Variants in TOM1L1 observed in about 807,000 individuals in gnomAD.
TOM1L1 encodes the protein target of myb1 like 1 membrane trafficking protein.
TOM1L1 carries 64 observed loss-of-function variants against 63.4 expected under a neutral mutation model. That is an observed-to-expected ratio of 1.01 (90% CI 0.83 to 1.24). TOM1L1 has a LOEUF of 1.24. Among genes scored for constraint, TOM1L1 ranks in the 50% most tolerant of loss-of-function variants. TOM1L1 has a pLI of 0.00. For missense variants in TOM1L1, 536 were observed against 567.0 expected (o/e 0.95, Z 0.55); for synonymous variants, 166 against 194.4 (o/e 0.85, Z 1.22).
At chr17:54,945,650 T>A (rs1355482250) in intron 11 of TOM1L1, among the ~76,000 whole-genome samples, 1 of 151,584 alleles carries the variant, frequency 6.6e-6, no homozygotes, top group African/African-American at 2.4e-5. Context: ...ATTTCCATTT[T>A]GCTATTGAGC....
chr17:54,951,093 C>G (rs1567842366), intron 14 of TOM1L1, among the ~76,000 whole-genome samples: 1 of 152,208 alleles, frequency 6.6e-6, no homozygotes, highest in Non-Finnish European at 1.5e-5. Flanking sequence ...GCCTGGGCCT[C>G]TAAACTTAGG....
Position 54,906,476 on chromosome 17 carries a change from CA to C in TOM1L1, c.222+926del, listed in dbSNP as rs57524831. Among the ~76,000 whole-genome samples the C allele has an allele frequency of 4.2e-3, 390 of 93,848 alleles. 1 individual carries two copies. Among genetic ancestry groups the C allele is most frequent in the East Asian group, 0.026 (100 of 3,900 alleles). The allele number at this position is 93,848 out of a possible 152,430, so 61.6% of individuals were successfully genotyped here. A position where few individuals can be genotyped will look rare whatever the true frequency, so the allele number is the denominator to read the frequency against. ...TGAGCAACAGAGCAAGACTCCTTCT[CA>C]AAAAAAAAAAAAAAAAGTTTGTGCA... On this transcript the variant is annotated intron_variant, in intron 3 of 15. Coordinates refer to ENST00000575882, the MANE Select transcript of TOM1L1 (RefSeq NM_005486.3).
intron 14 of TOM1L1, among the ~76,000 whole-genome samples, chr17:54,955,416 C>T (rs1180763871): frequency 6.6e-6 from 1 of 152,172 alleles, no homozygotes; most frequent in Non-Finnish European, 1.5e-5. Context: ...TTCCAGGGAT[C>T]ATGATCCCAC....
At chr17:54,945,611 G>T (rs1468101438) in intron 11 of TOM1L1, among the ~76,000 whole-genome samples, 2 of 151,354 alleles carry the variant, frequency 1.3e-5, no homozygotes, top group African/African-American at 2.4e-5. Context: ...TGTGATTTAT[G>T]TTCAAGTTCA....
At chr17:54,927,009 A>G (rs1165167009) in intron 7 of TOM1L1, among the ~76,000 whole-genome samples, 1 of 152,248 alleles carries the variant, frequency 6.6e-6, no homozygotes, top group Non-Finnish European at 1.5e-5. Context: ...ATTTGCAGAC[A>G]CTGTTTTGTT....
chr17:54,915,930 G>A, intron 7 of TOM1L1, 68 bp downstream of exon 7: 5 of 1,176,754 alleles, frequency 4.2e-6, no homozygotes, highest in Non-Finnish European at 6.3e-6. Flanking sequence ...CTTTGAGTTT[G>A]GAGATGGAAG....
chr17:54,912,756 C>CT lies in TOM1L1; in HGVS notation c.314dup (p.Asn106GlufsTer13), dbSNP rs778873198. On this transcript the variant is annotated frameshift_variant, in exon 4 of 16. Coordinates refer to ENST00000575882, the MANE Select transcript of TOM1L1 (RefSeq NM_005486.3). LOFTEE classifies it high-confidence loss of function. ...TGTTAAAGAGAATTTAGTTAAGCTA[C>CT]TGAATCCCAGATACAACTTGCCATT... is the stretch of plus-strand genomic sequence containing the variant. 6.2e-7 allele frequency: 1 copy of CT among 1,611,268 alleles called. No individual in the cohort carries two copies. Among genetic ancestry groups the CT allele is most frequent in the Non-Finnish European group, 8.5e-7 (1 of 1,179,176 alleles).
chr17:54,916,970 T>C (rs2048600572), intron 7 of TOM1L1: 1 of 152,174 alleles, frequency 6.6e-6, no homozygotes, highest in Non-Finnish European at 1.5e-5. Context: ...CACTGTTCTC[T>C]TACACCCACT....
At chr17:54,937,445 A>G in intron 10 of TOM1L1, 10 of 521,578 alleles carry the variant, frequency 1.9e-5, no homozygotes, top group Non-Finnish European at 3.4e-5. Context: ...AACTCATCCT[A>G]CTCACTTAGA....
At chr17:54,916,739 A>C (rs1469209070) in intron 7 of TOM1L1, 3 of 152,194 alleles carry the variant, frequency 2.0e-5, no homozygotes, top group African/African-American at 7.2e-5. Context: ...GGAAACAAAA[A>C]AATTGTAAAA....
Position 54,915,820 on chromosome 17 carries a change from T to C in TOM1L1, c.678T>C (p.Asn226=), listed in dbSNP as rs139170714. 3.5e-5 allele frequency: 56 copies of C among 1,613,898 alleles called. No individual in the cohort carries two copies. Among genetic ancestry groups the C allele is most frequent in the Admixed American group, 1.0e-4 (6 of 59,976 alleles). The change falls in exon 7 of 16, where the codon AAT becomes AAC. Residue 226 remains asparagine, a synonymous_variant. Transcript: ENST00000575882. The part of the protein sequence containing the change: ...VRVMSAILME[N]TPGSENHEDI... ...TGATGTCCGCCATATTGATGGAGAATACTCCTGGGTCTGAAAACCATGAAG... is the reference window on the plus strand; with the variant it reads ...TGATGTCCGCCATATTGATGGAGAACACTCCTGGGTCTGAAAACCATGAAG...
In TOM1L1 at chr17:54,936,694, G is replaced by A; in HGVS notation, c.900G>A (p.Gln300=). The A allele has an allele frequency of 1.2e-6, 2 of 1,607,794 alleles. No homozygotes were observed. The highest frequency in any genetic ancestry group is 2.2e-5 in the East Asian group (1 of 44,636). ...GGATTTTGGAGCAAAATAAGAACCA[G>A]AAGGAAGCCACCAATGTAAGTGATG... ...QQRILEQNKN[Q]KEATNTTSEP... The change falls in exon 9 of 16, where the codon CAG becomes CAA. Residue 300 remains glutamine (Q), a synonymous_variant. Coordinates refer to ENST00000575882, the MANE Select transcript of TOM1L1 (RefSeq NM_005486.3).
chr17:54,912,884 A>C, intron 4 of TOM1L1, 69 bp downstream of exon 4: 5 of 1,293,562 alleles, frequency 3.9e-6, no homozygotes, highest in Non-Finnish European at 5.1e-6. Context: ...TTACCTCCTG[A>C]TTGTTTCACT....
Position 54,936,665 on chromosome 17 carries a change from C to A in TOM1L1, c.871C>A (p.Gln291Lys). 1 of 1,605,954 alleles carries A rather than the reference C, an allele frequency of 6.2e-7. No homozygotes were observed. The highest frequency in any genetic ancestry group is 8.5e-7 in the Non-Finnish European group (1 of 1,177,682). The change falls in exon 9 of 16, where the codon CAA becomes AAA. Residue 291 changes from glutamine to lysine, a missense_variant. By Grantham distance (53) the Gln-to-Lys change is moderately conservative. Transcript: ENST00000575882. Reference sequence around the variant, plus strand: ...TTTAAACAGGTTTACTAGAAACCAACAAAGGATTTTGGAGCAAAATAAGAA... The same window carrying A: ...TTTAAACAGGTTTACTAGAAACCAAAAAAGGATTTTGGAGCAAAATAAGAA... ...LGYERFTRNQ[Q>K]RILEQNKNQK...
intron 8 of TOM1L1, among the ~76,000 whole-genome samples, chr17:54,933,164 A>T (rs151034995): frequency 6.6e-6 from 1 of 152,342 alleles, no homozygotes; most frequent in African/African-American, 2.4e-5. Context: ...AGGAGAATCC[A>T]TCTTCCTAGC....
At chr17:54,945,961 T>C (rs2049111687) in intron 11 of TOM1L1, among the ~76,000 whole-genome samples, 1 of 152,216 alleles carries the variant, frequency 6.6e-6, no homozygotes, top group Admixed American at 6.5e-5. Context: ...ACATTTTTAA[T>C]GTTTTATTAG....
At chr17:54,904,094 G>A (rs536162601) in intron 2 of TOM1L1, among the ~76,000 whole-genome samples, 16 of 152,252 alleles carry the variant, frequency 1.1e-4, no homozygotes, top group African/African-American at 2.4e-4. Flanking sequence ...AAGGCCGGGC[G>A]CAGTGGCTCA....
chr17:54,937,775 G>T (rs1435223577), intron 10 of TOM1L1: 1 of 151,574 alleles, frequency 6.6e-6, no homozygotes, highest in African/African-American at 2.4e-5. Flanking sequence ...TGCCTTAAAG[G>T]GTGGTTGTCA....
chr17:54,933,152 A>G (rs975554497), intron 8 of TOM1L1, among the ~76,000 whole-genome samples: 4 of 152,222 alleles, frequency 2.6e-5, no homozygotes, highest in Non-Finnish European at 1.5e-5. Flanking sequence ...TGGACGCTCC[A>G]GAGGAGAATC....
Sources: allele counts gnomAD v4.1 joint callset (sites outside exome capture counted in the v4.1 genomes callset), GRCh38; gene constraint gnomAD v4.1.1; transcripts MANE v1.5; gene names NCBI Gene and HGNC (gene_info 2026-07-23, HGNC 2026-07-21).